The following WDR64 variants were observed in gnomAD, a reference collection of about 807,000 sequenced individuals.
The protein encoded by WDR64 is WD repeat-containing protein 64.
Under a neutral mutation model 139.3 loss-of-function variants are expected in WDR64, and 112 were observed. That is an observed-to-expected ratio of 0.80 (90% CI 0.69 to 0.94). The LOEUF (loss-of-function observed/expected upper bound fraction) is 0.94, where lower values mean the gene tolerates loss of function less well. WDR64 is among the 40% of genes least tolerant of loss of function. The pLI is 0.00. For synonymous variants in WDR64, 444 were observed against 437.7 expected (o/e 1.01, Z -0.18); for missense variants, 1,206 against 1,293.1 (o/e 0.93, Z 1.03).
chr1:241,680,747 A>G lies in WDR64; in HGVS notation c.624+1152A>G, dbSNP rs1666753568. ...TGGCTAAGCACTGCTGAAAAAAACT[A>G]AACAGTGCTATTTGGCACAATTATG... On this transcript the variant is annotated intron_variant, in intron 6 of 27. Transcript: ENST00000437684. Among the ~76,000 whole-genome samples the G allele has an allele frequency of 2.6e-5, 4 of 151,644 alleles. No homozygotes were observed. In the South Asian group the frequency reaches 8.3e-4, roughly 31 times the overall value.
intron 8 of WDR64, among the ~76,000 whole-genome samples, chr1:241,702,312 C>T (rs1391985901): frequency 6.6e-6 from 1 of 152,104 alleles, no homozygotes; most frequent in Non-Finnish European, 1.5e-5. Context: ...ACTCACTAAC[C>T]CTGTGACCAT....
chr1:241,772,643 A>T, intron 19 of WDR64, 149 bp from the exon 20 acceptor site: 4 of 716,420 alleles, frequency 5.6e-6, no homozygotes, highest in Non-Finnish European at 8.4e-6. Flanking sequence ...TTGTATTTTT[A>T]GTAGAGACGG....
intron 12 of WDR64, among the ~76,000 whole-genome samples, chr1:241,744,175 T>C (rs1222030366): frequency 6.6e-6 from 1 of 152,210 alleles, no homozygotes; most frequent in Non-Finnish European, 1.5e-5. Flanking sequence ...TCCCTGCCTG[T>C]CTCAGCCCCT....
chr1:241,675,081 C>CCCT (rs1666456860), intron 4 of WDR64, among the ~76,000 whole-genome samples: 1 of 86,900 alleles, frequency 1.2e-5, no homozygotes, highest in African/African-American at 4.4e-5. Flanking sequence ...CTGCCTCCCT[C>CCCT]CCTTCATCCT....
chr1:241,700,813 A>T (rs1397317215), intron 8 of WDR64, among the ~76,000 whole-genome samples: 1 of 152,200 alleles, frequency 6.6e-6, no homozygotes, highest in Non-Finnish European at 1.5e-5. Context: ...GAAATTGTAA[A>T]ATGCTATACA....
chr1:241,708,773 C>T (rs1668058996), intron 8 of WDR64, among the ~76,000 whole-genome samples: 1 of 144,944 alleles, frequency 6.9e-6, no homozygotes. Flanking sequence ...TTCCCAGGCT[C>T]AAGCGATCCT....
intron 21 of WDR64, 70 bp downstream of exon 21, chr1:241,775,280 G>A (rs1658618111): frequency 8.0e-7 from 1 of 1,257,058 alleles, no homozygotes; most frequent in Non-Finnish European, 1.1e-6. Context: ...AATGGCTTTA[G>A]GAAAAATACA....
At chr1:241,780,416 C>T (rs908930559) in intron 22 of WDR64, among the ~76,000 whole-genome samples, 5 of 152,176 alleles carry the variant, frequency 3.3e-5, no homozygotes. Flanking sequence ...TATTCCATAA[C>T]CTTCCTTGCA....
intron 23 of WDR64, among the ~76,000 whole-genome samples, chr1:241,783,661 A>G (rs1250501518): frequency 6.6e-6 from 1 of 152,232 alleles, no homozygotes. Flanking sequence ...ACTTCAAAGA[A>G]TTAAGCAAGA....
intron 7 of WDR64, among the ~76,000 whole-genome samples, chr1:241,684,726 T>TAGG (rs1285788166): frequency 1.3e-5 from 2 of 152,150 alleles, no homozygotes; most frequent in Non-Finnish European, 2.9e-5. Flanking sequence ...TCTTCAAAAA[T>TAGG]ATCAGTATGG....
At chr1:241,704,590 T>C (rs903802749) in intron 8 of WDR64, among the ~76,000 whole-genome samples, 1 of 152,220 alleles carries the variant, frequency 6.6e-6, no homozygotes, top group Non-Finnish European at 1.5e-5. Context: ...TTGTAATTCA[T>C]TTAATTATGT....
At chr1:241,706,994 T>C (rs973042454) in intron 8 of WDR64, among the ~76,000 whole-genome samples, 1 of 152,202 alleles carries the variant, frequency 6.6e-6, no homozygotes, top group Admixed American at 6.5e-5. Flanking sequence ...CCTTTCCTGT[T>C]GTGCATGTTG....
At chr1:241,697,253 C>T (rs1183059900) in intron 8 of WDR64, among the ~76,000 whole-genome samples, 1 of 152,160 alleles carries the variant, frequency 6.6e-6, no homozygotes, top group Admixed American at 6.5e-5. Flanking sequence ...TCCTGTCCTC[C>T]TACATGATGA....
chr1:241,738,290 A>G, intron 10 of WDR64, 73 bp from the exon 11 acceptor site: 3 of 1,529,304 alleles, frequency 2.0e-6, no homozygotes, highest in African/African-American at 1.4e-5. Flanking sequence ...CAAACTGAAA[A>G]TGCTTCACCT....
At chr1:241,734,641 G>A (rs73141058) in intron 10 of WDR64, among the ~76,000 whole-genome samples, 3,745 of 151,832 alleles carry the variant, frequency 0.025, 155 homozygotes, top group African/African-American at 0.087. Context: ...GAATACATAA[G>A]ACATTGGGAA....
chr1:241,683,393 A>G, intron 6 of WDR64, 94 bp from the exon 7 acceptor site: 1 of 1,226,510 alleles, frequency 8.2e-7, no homozygotes, highest in Non-Finnish European at 1.1e-6. Flanking sequence ...ACAATAAGAA[A>G]CAGCGGAAAG....
intron 4 of WDR64, chr1:241,677,317 C>A (rs1053725855): frequency 1.0e-5 from 4 of 398,318 alleles, no homozygotes; most frequent in African/African-American, 6.2e-5. Context: ...TTTCTTACAG[C>A]GATGTATTTT....
At chr1:241,679,334 C>G (rs1666681747) in intron 5 of WDR64, 151 bp from the exon 6 acceptor site, 18 of 639,398 alleles carry the variant, frequency 2.8e-5, no homozygotes, top group Non-Finnish European at 4.4e-5. Context: ...GAGCCTGTAT[C>G]CCAGACACTC....
intron 27 of WDR64, among the ~76,000 whole-genome samples, chr1:241,797,727 T>C (rs1659406969): frequency 6.6e-6 from 1 of 152,172 alleles, no homozygotes; most frequent in Non-Finnish European, 1.5e-5. Flanking sequence ...TTACTTTTAA[T>C]TGTTTTATGT....
Sources: allele counts gnomAD v4.1 joint callset (sites outside exome capture counted in the v4.1 genomes callset), GRCh38; gene constraint gnomAD v4.1.1; transcripts MANE v1.5; gene names NCBI Gene and HGNC (gene_info 2026-07-23, HGNC 2026-07-21).